The following RNGTT variants were observed in gnomAD, a reference collection of about 807,000 sequenced individuals.
RNGTT encodes the protein mRNA-capping enzyme.
RNGTT carries 33 observed loss-of-function variants against 79.3 expected under a neutral mutation model. The ratio of observed to expected loss-of-function variants is 0.42; its 90% CI spans 0.32 to 0.56. The LOEUF is 0.56. Among genes scored for constraint, RNGTT ranks in the 20% least tolerant of loss-of-function variants. The probability of loss-of-function intolerance (pLI) is 0.17; values close to 1 mark genes in which losing one functional copy is unlikely to be tolerated. For synonymous variants in RNGTT, 222 were observed against 235.9 expected, an observed-to-expected ratio of 0.94 and a Z score of 0.54; for missense variants, 497 against 739.1, an observed-to-expected ratio of 0.67 and a Z score of 3.80.
At chr6:88,696,184 G>T (rs1353123352) in intron 13 of RNGTT, among the ~76,000 whole-genome samples, 2 of 152,142 alleles carry the variant, frequency 1.3e-5, no homozygotes, top group African/African-American at 2.4e-5. Context: ...ATTATGTGAA[G>T]TGAAGAATGT....
At chr6:88,869,794 G>A (rs1266238367) in intron 8 of RNGTT, among the ~76,000 whole-genome samples, 5 of 151,990 alleles carry the variant, frequency 3.3e-5, no homozygotes, top group African/African-American at 1.2e-4. Context: ...AACTACCAAG[G>A]CCACATCATA....
At chr6:88,747,492 G>C (rs532447758) in intron 13 of RNGTT, among the ~76,000 whole-genome samples, 11 of 152,166 alleles carry the variant, frequency 7.2e-5, no homozygotes, top group Non-Finnish European at 1.6e-4. Flanking sequence ...GTAGAAGCGA[G>C]GGAGTAAAGA....
intron 11 of RNGTT, among the ~76,000 whole-genome samples, chr6:88,823,255 AC>A (rs1780551797): frequency 6.6e-6 from 1 of 151,854 alleles, no homozygotes; most frequent in Admixed American, 6.6e-5. Flanking sequence ...ACATGGTGAA[AC>A]CCCGTCTCTA....
chr6:88,620,622 C>T lies in RNGTT; in HGVS notation c.1507-6227G>A, dbSNP rs1194219879. Among the ~76,000 whole-genome samples, 6 of 152,136 alleles carry T rather than the reference C, an allele frequency of 3.9e-5. No homozygotes were observed. In the South Asian group the frequency reaches 1.2e-3, roughly 32 times the overall value. ...CAGGTTGGTTTTTAATGTAGAGGTACAAAACGTAAGAAATAAATATTTAAA... is the reference window on the plus strand; with the variant it reads ...CAGGTTGGTTTTTAATGTAGAGGTATAAAACGTAAGAAATAAATATTTAAA... On this transcript the variant is annotated intron_variant, in intron 14 of 15. Transcript: ENST00000369485.
At chr6:88,776,200 T>C (rs545665980) in intron 12 of RNGTT, among the ~76,000 whole-genome samples, 2 of 152,308 alleles carry the variant, frequency 1.3e-5, no homozygotes, top group East Asian at 3.9e-4. Flanking sequence ...CTATTTTGTA[T>C]GTTATCTTGT....
intron 14 of RNGTT, among the ~76,000 whole-genome samples, chr6:88,652,654 CTT>C (rs1773838902): frequency 6.6e-6 from 1 of 152,108 alleles, no homozygotes; most frequent in African/African-American, 2.4e-5. Context: ...TGTTAGTGCT[CTT>C]TGGGGTGGAG....
chr6:88,650,016 C>T (rs1453845143), intron 14 of RNGTT, among the ~76,000 whole-genome samples: 2 of 152,112 alleles, frequency 1.3e-5, no homozygotes, highest in South Asian at 2.1e-4. Flanking sequence ...CTGATTAGAT[C>T]GTTCAAACCA....
intron 13 of RNGTT, among the ~76,000 whole-genome samples, chr6:88,701,922 CGAGAT>C (rs1775960788): frequency 6.6e-6 from 1 of 151,926 alleles, no homozygotes; most frequent in African/African-American, 2.4e-5. Context: ...CAACAATGCT[CGAGAT>C]GAGAGCCAAA....
chr6:88,825,554 T>C (rs1780629103), intron 11 of RNGTT, among the ~76,000 whole-genome samples: 1 of 152,204 alleles, frequency 6.6e-6, no homozygotes, highest in Non-Finnish European at 1.5e-5. Context: ...ATACAGCCTA[T>C]TTTCCAAATC....
rs151137974 is a variant in RNGTT at position 88,640,696 on chromosome 6, G to A, written c.1507-26301C>T. ...AAAGAATGAGGATTGAGGATTAGAG[G>A]TGAAGAATTAAGAGTCATCTGCATA... On this transcript the variant is annotated intron_variant, in intron 14 of 15. Coordinates refer to ENST00000369485, the MANE Select transcript of RNGTT (RefSeq NM_003800.5). Among the ~76,000 whole-genome samples the A allele has an allele frequency of 1.4e-4, 22 of 152,174 alleles. 1 individual carries two copies. Among genetic ancestry groups the A allele is most frequent in the African/African-American group, 5.3e-4 (22 of 41,516 alleles).
chr6:88,955,481 C>T (rs532078098), intron 1 of RNGTT, among the ~76,000 whole-genome samples: 41 of 145,408 alleles, frequency 2.8e-4, no homozygotes, highest in African/African-American at 7.9e-4. Context: ...ACAGAAGAGG[C>T]GGAGGTTGCA....
chr6:88,689,383 C>G (rs1775395165), intron 13 of RNGTT, among the ~76,000 whole-genome samples: 1 of 152,122 alleles, frequency 6.6e-6, no homozygotes, highest in South Asian at 2.1e-4. Context: ...CACCTAAGGT[C>G]AGCGGTTCGA....
intron 12 of RNGTT, among the ~76,000 whole-genome samples, chr6:88,783,607 G>T (rs1779133885): frequency 6.6e-6 from 1 of 152,096 alleles, no homozygotes; most frequent in African/African-American, 2.4e-5. Flanking sequence ...TAAGATATCT[G>T]TTCAAGTATA....
At chr6:88,686,457 C>T (rs985698504) in intron 13 of RNGTT, among the ~76,000 whole-genome samples, 1 of 151,688 alleles carries the variant, frequency 6.6e-6, no homozygotes, top group Non-Finnish European at 1.5e-5. Context: ...AGCAAAACAA[C>T]AAAAATATTA....
intron 13 of RNGTT, among the ~76,000 whole-genome samples, chr6:88,767,705 C>T (rs1198952896): frequency 1.3e-5 from 1 of 79,688 alleles, no homozygotes; most frequent in African/African-American, 4.7e-5. Context: ...AAAAAAAAAA[C>T]AGCGTAGCCC....
intron 6 of RNGTT, among the ~76,000 whole-genome samples, chr6:88,899,414 A>C (rs1024749232): frequency 5.3e-5 from 8 of 152,062 alleles, no homozygotes; most frequent in African/African-American, 1.9e-4. Context: ...AGTAGCTGAG[A>C]CTACAAGTGC....
At chr6:88,780,593 A>C (rs1779030388) in intron 12 of RNGTT, among the ~76,000 whole-genome samples, 1 of 152,044 alleles carries the variant, frequency 6.6e-6, no homozygotes, top group South Asian at 2.1e-4. Flanking sequence ...TACAATACTT[A>C]GTTTATAGAA....
chr6:88,950,075 G>C (rs534494165), intron 1 of RNGTT, among the ~76,000 whole-genome samples: 1 of 152,284 alleles, frequency 6.6e-6, no homozygotes, highest in East Asian at 1.9e-4. Flanking sequence ...TAAGAATTAT[G>C]CTAAATCTAC....
chr6:88,876,897 G>A (rs985995110), intron 8 of RNGTT, among the ~76,000 whole-genome samples: 3 of 152,128 alleles, frequency 2.0e-5, no homozygotes, highest in African/African-American at 7.2e-5. Flanking sequence ...GCAGATTTTG[G>A]TAATAGGTAA....
Sources: allele counts gnomAD v4.1 joint callset (sites outside exome capture counted in the v4.1 genomes callset), GRCh38; gene constraint gnomAD v4.1.1; transcripts MANE v1.5; gene names NCBI Gene and HGNC (gene_info 2026-07-23, HGNC 2026-07-21).